The following KIF21A variants were observed in gnomAD, a reference collection of about 807,000 sequenced individuals.
KIF21A encodes the protein kinesin-like protein KIF21A.
KIF21A carries 114 observed loss-of-function variants against 202.9 expected under a neutral mutation model. That is an observed-to-expected ratio of 0.56 (90% confidence interval 0.48 to 0.66). KIF21A has a LOEUF of 0.66. Among genes scored for constraint, KIF21A ranks in the 30% least tolerant of loss-of-function variants. The pLI is 0.00. For synonymous variants in KIF21A, 667 were observed against 670.8 expected, an observed-to-expected ratio of 0.99 and a Z score of 0.09; for missense variants, 1,677 against 1,994.9, an observed-to-expected ratio of 0.84 and a Z score of 3.04.
chr12:39,320,963 T>TG (rs1402969625), intron 27 of KIF21A, among the ~76,000 whole-genome samples: 40 of 130,444 alleles, frequency 3.1e-4, no homozygotes, highest in African/African-American at 1.0e-3. Context: ...AAAAAAAGTC[T>TG]GGGAAAAAAA....
At chr12:39,307,279 A>G (rs1387156606) in intron 34 of KIF21A, among the ~76,000 whole-genome samples, 1 of 152,194 alleles carries the variant, frequency 6.6e-6, no homozygotes, top group Non-Finnish European at 1.5e-5. Context: ...CTTCCTAGTA[A>G]ACAACATGAC....
intron 1 of KIF21A, among the ~76,000 whole-genome samples, chr12:39,421,580 C>G (rs994037407): frequency 5.9e-5 from 9 of 151,724 alleles, no homozygotes; most frequent in Non-Finnish European, 1.0e-4. Context: ...GTAGTCCCAG[C>G]TACTCAGGAA....
At chr12:39,429,296 TA>T (rs1477135550) in intron 1 of KIF21A, among the ~76,000 whole-genome samples, 1 of 152,194 alleles carries the variant, frequency 6.6e-6, no homozygotes, top group Non-Finnish European at 1.5e-5. Context: ...CAAACTGCTC[TA>T]GGGGGTTTAA....
At chr12:39,421,601 G>C (rs1360724440) in intron 1 of KIF21A, among the ~76,000 whole-genome samples, 1 of 151,672 alleles carries the variant, frequency 6.6e-6, no homozygotes, top group Admixed American at 6.6e-5. Context: ...GCTGAGGCAG[G>C]AGAATTGCTT....
intron 33 of KIF21A, 62 bp downstream of exon 33, chr12:39,309,524 T>TAAAA (rs779661888): frequency 9.6e-6 from 10 of 1,043,018 alleles, no homozygotes; most frequent in South Asian, 3.0e-5. Flanking sequence ...CTTATATTTG[T>TAAAA]AAAAAAAAAA....
intron 34 of KIF21A, among the ~76,000 whole-genome samples, chr12:39,305,368 GAA>G (rs539400060): frequency 0.37 from 28,643 of 78,348 alleles, 4,123 homozygotes; most frequent in African/African-American, 0.55. Flanking sequence ...TCCGACTCAA[GAA>G]AAAAAAAAAA....
rs1953696098 is a variant in KIF21A, at chr12:39,416,711, G to GTGTATATATATATGTACATATATA, written c.44+26215_44+26216insTATATATGTACATATATATATACA. Among the ~76,000 whole-genome samples the GTGTATATATATATGTACATATATA allele has an allele frequency of 2.0e-4, 17 of 86,392 alleles. 1 individual carries two copies. In the East Asian group the frequency reaches 4.2e-3, roughly 22 times the overall value. The allele number at this position is 86,392 out of a possible 152,430, so 56.7% of individuals were successfully genotyped here. A position where few individuals can be genotyped will look rare whatever the true frequency, so the allele number is the denominator to read the frequency against. On this transcript the variant is annotated intron_variant, in intron 1 of 37. Transcript: ENST00000361418. ...TGTATATATATATGTACATATATAT[G>GTGTATATATATATGTACATATATA]TGTGTATATATGTACATATATATGT...
intron 27 of KIF21A, 27 bp from the exon 28 acceptor site, chr12:39,320,040 A>T: frequency 7.5e-7 from 1 of 1,335,422 alleles, no homozygotes; most frequent in South Asian, 1.2e-5. Context: ...TTCTTTAATT[A>T]CCTAATTCTA....
intron 8 of KIF21A, among the ~76,000 whole-genome samples, chr12:39,357,738 C>A (rs1366236108): frequency 6.6e-6 from 1 of 151,052 alleles, no homozygotes; most frequent in East Asian, 2.0e-4. Flanking sequence ...GGTGAAACCC[C>A]ATCTCTACTA....
intron 35 of KIF21A, among the ~76,000 whole-genome samples, chr12:39,303,394 G>C (rs1943150175): frequency 1.3e-5 from 2 of 152,106 alleles, no homozygotes; most frequent in African/African-American, 4.8e-5. Flanking sequence ...TTAACTGCAG[G>C]CTCAAGCGAT....
chr12:39,425,254 G>T (rs554733598), intron 1 of KIF21A, among the ~76,000 whole-genome samples: 6 of 152,060 alleles, frequency 3.9e-5, no homozygotes, highest in African/African-American at 9.6e-5. Context: ...AATATTTATT[G>T]TCTCTATCCT....
intron 1 of KIF21A, among the ~76,000 whole-genome samples, chr12:39,405,988 G>T (rs958665963): frequency 6.6e-6 from 1 of 152,022 alleles, no homozygotes; most frequent in African/African-American, 2.4e-5. Context: ...TATGTAAAGC[G>T]TGTCTTTGCA....
chr12:39,314,013 T>C (rs1944276866), intron 31 of KIF21A, among the ~76,000 whole-genome samples: 1 of 151,478 alleles, frequency 6.6e-6, no homozygotes, highest in African/African-American at 2.4e-5. Flanking sequence ...GGGCTGAATA[T>C]ATGAAGAGCT....
At chr12:39,335,963 A>G (rs1946928659) in intron 17 of KIF21A, among the ~76,000 whole-genome samples, 1 of 152,216 alleles carries the variant, frequency 6.6e-6, no homozygotes. Flanking sequence ...ATTCCAAAAT[A>G]AATTTCCATT....
At chr12:39,312,973 A>G (rs1471974071) in intron 31 of KIF21A, 1 of 152,000 alleles carries the variant, frequency 6.6e-6, no homozygotes, top group Admixed American at 6.6e-5. Context: ...ATTAGGACAA[A>G]TATAAGGATA....
At chr12:39,359,188 C>A (rs988833259) in intron 7 of KIF21A, among the ~76,000 whole-genome samples, 1 of 152,146 alleles carries the variant, frequency 6.6e-6, no homozygotes, top group African/African-American at 2.4e-5. Flanking sequence ...CGACAATAAT[C>A]TCAACACAGT....
intron 37 of KIF21A, among the ~76,000 whole-genome samples, chr12:39,299,034 T>A (rs1942697688): frequency 6.6e-6 from 1 of 152,182 alleles, no homozygotes; most frequent in Admixed American, 6.5e-5. Context: ...TAAAATTCCT[T>A]CTGATTTTCT....
intron 1 of KIF21A, among the ~76,000 whole-genome samples, chr12:39,409,662 G>T (rs1420362111): frequency 1.3e-5 from 2 of 152,074 alleles, no homozygotes; most frequent in Non-Finnish European, 2.9e-5. Context: ...CCTGGAGCCT[G>T]TGAATATGTT....
intron 1 of KIF21A, among the ~76,000 whole-genome samples, chr12:39,392,918 T>TA (rs1289126016): frequency 7.0e-6 from 1 of 143,560 alleles, no homozygotes; most frequent in Non-Finnish European, 1.5e-5. Context: ...TAAAATAAAA[T>TA]AAAAAGGTAA....
Sources: gnomAD v4.1 joint callset for allele counts (sites outside exome capture counted in the v4.1 genomes callset) on GRCh38, gnomAD v4.1.1 for gene constraint, MANE v1.5 for transcripts, NCBI Gene and HGNC (gene_info 2026-07-23, HGNC 2026-07-21) for gene names.